PDZD2: variants seen among roughly 807,000 people sequenced by gnomAD.
The protein encoded by PDZD2 is PDZ domain containing 2.
In PDZD2, 90 loss-of-function variants were observed where a neutral mutation model predicts 220.7. That is an observed-to-expected ratio of 0.41 (90% confidence interval 0.34 to 0.49). PDZD2 has a LOEUF of 0.49. Among genes scored for constraint, PDZD2 ranks in the 20% least tolerant of loss-of-function variants. PDZD2 has a pLI of 0.28. For missense variants in PDZD2, 3,174 were observed against 3,608.5 expected, an observed-to-expected ratio of 0.88 and a Z score of 3.08; for synonymous variants, 1,375 against 1,450.5, an observed-to-expected ratio of 0.95 and a Z score of 1.18.
chr5:31,798,866 G>T, intron 1 of PDZD2, 23 bp from the exon 2 acceptor site: 1 of 214,632 alleles, frequency 4.7e-6, no homozygotes, highest in East Asian at 1.0e-4. Context: ...GGAGCTTTTT[G>T]TGTTTTCCTC....
intron 24 of PDZD2, among the ~76,000 whole-genome samples, chr5:32,102,484 T>G (rs923670089): frequency 4.0e-5 from 6 of 151,072 alleles, no homozygotes; most frequent in Non-Finnish European, 5.9e-5. Flanking sequence ...CAGGCATAAA[T>G]CAGGAGTCAG....
chr5:31,669,133 T>C (rs920863794), intron 1 of PDZD2, among the ~76,000 whole-genome samples: 4 of 151,790 alleles, frequency 2.6e-5, no homozygotes, highest in Admixed American at 6.6e-5. Context: ...ATCCAGGCCA[T>C]GCGTGTTGCT....
intron 1 of PDZD2, among the ~76,000 whole-genome samples, chr5:31,713,838 C>T (rs748222986): frequency 2.6e-5 from 4 of 152,232 alleles, no homozygotes; most frequent in Non-Finnish European, 2.9e-5. Flanking sequence ...TGAGCCACCA[C>T]GCATGGCCAC....
chr5:32,039,093 TCTCTCCCCCTCTCCCC>T (rs138129161), intron 7 of PDZD2, among the ~76,000 whole-genome samples: 1 of 150,642 alleles, frequency 6.6e-6, no homozygotes, highest in Non-Finnish European at 1.5e-5. Flanking sequence ...AAACATCCTC[TCTCTCCCCCTCTCCCC>T]CTCTCCCTCT....
chr5:31,983,878 A>C (rs1039784294), intron 3 of PDZD2, among the ~76,000 whole-genome samples: 7 of 152,194 alleles, frequency 4.6e-5, no homozygotes, highest in African/African-American at 1.7e-4. Context: ...GGAGAATGAC[A>C]AAAAAGCTCC....
chr5:31,650,233 A>T (rs1745299646), intron 1 of PDZD2, among the ~76,000 whole-genome samples: 1 of 152,192 alleles, frequency 6.6e-6, no homozygotes, highest in African/African-American at 2.4e-5. Flanking sequence ...AAGCACTTAA[A>T]GCATTTCAGG....
At chr5:31,882,663 C>A (rs928041619) in intron 2 of PDZD2, among the ~76,000 whole-genome samples, 22 of 151,988 alleles carry the variant, frequency 1.4e-4, no homozygotes, top group Non-Finnish European at 5.9e-5. Context: ...TTGCTTTTAG[C>A]TGTAGTGAAT....
intron 22 of PDZD2, among the ~76,000 whole-genome samples, chr5:32,097,716 A>G (rs16889445): frequency 0.018 from 2,665 of 152,244 alleles, 75 homozygotes; most frequent in African/African-American, 0.059. Context: ...CGTCTCAAAA[A>G]GTCACTCAAA....
At chr5:32,036,013 G>A (rs185510703) in intron 6 of PDZD2, among the ~76,000 whole-genome samples, 14 of 151,962 alleles carry the variant, frequency 9.2e-5, no homozygotes, top group African/African-American at 2.2e-4. Flanking sequence ...GCGTGATCTC[G>A]GCTCACTGCA....
intron 1 of PDZD2, among the ~76,000 whole-genome samples, chr5:31,763,116 C>A (rs1427579035): frequency 6.6e-6 from 1 of 152,176 alleles, no homozygotes; most frequent in African/African-American, 2.4e-5. Flanking sequence ...TTTGTGAGGG[C>A]AGTGACTGAG....
At chr5:31,862,408 C>T (rs1015156436) in intron 2 of PDZD2, among the ~76,000 whole-genome samples, 4 of 151,952 alleles carry the variant, frequency 2.6e-5, no homozygotes, top group African/African-American at 9.7e-5. Context: ...CAGGCCCAGA[C>T]TCATTAATTT....
chr5:31,989,759 T>C (rs1232731576), intron 3 of PDZD2, among the ~76,000 whole-genome samples: 3 of 152,170 alleles, frequency 2.0e-5, no homozygotes, highest in Non-Finnish European at 4.4e-5. Context: ...CAGTCAGCCA[T>C]TGATAGACAC....
chr5:31,707,225 C>T (rs191089636), intron 1 of PDZD2, among the ~76,000 whole-genome samples: 45 of 151,720 alleles, frequency 3.0e-4, no homozygotes, highest in African/African-American at 1.1e-3. Flanking sequence ...ATGGGTGCAG[C>T]ACACCAACAT....
intron 1 of PDZD2, among the ~76,000 whole-genome samples, chr5:31,661,802 T>C (rs1243399119): frequency 1.4e-4 from 21 of 145,944 alleles, no homozygotes; most frequent in Admixed American, 1.4e-3. Flanking sequence ...TTTTTTTTCT[T>C]TTTTTTTCAT....
chr5:32,012,331 G>GCATAA lies in PDZD2; in HGVS notation c.1407+1852_1407+1856dup, dbSNP rs142013958. Among the ~76,000 whole-genome samples, 702 of 152,262 alleles carry GCATAA rather than the reference G, an allele frequency of 4.6e-3. 3 individuals are homozygous for GCATAA. Among genetic ancestry groups the GCATAA allele is most frequent in the African/African-American group, 0.016 (663 of 41,542 alleles). On this transcript the variant is annotated intron_variant, in intron 6 of 24. Coordinates refer to ENST00000438447, the MANE Select transcript of PDZD2 (RefSeq NM_178140.4). Reference sequence around the variant, plus strand: ...GCTGAGCCTCCAAGCCATTGACGGAGCATAACAGCTCTTTGTAGAGAGCTT... The same window carrying GCATAA: ...GCTGAGCCTCCAAGCCATTGACGGAGCATAACATAACAGCTCTTTGTAGAGAGCTT...
In PDZD2 at chr5:32,074,587, G is replaced by A; in HGVS notation, c.3481G>A (p.Ala1161Thr). 1 of 1,613,150 alleles carries A rather than the reference G, an allele frequency of 6.2e-7. No homozygotes were observed. Among genetic ancestry groups the A allele is most frequent in the South Asian group, 1.1e-5 (1 of 90,932 alleles). The change falls in exon 18 of 25, where the codon GCC (alanine) becomes ACC (threonine). Residue 1161 changes from alanine to threonine, a missense_variant. Ala to Thr is a moderately conservative substitution (Grantham distance 58). Around this residue, in one of 4 missense-constraint regions of PDZD2, gnomAD observed 1,861 missense variants for 2,001.0 expected, o/e 0.93. Coordinates refer to ENST00000438447, the MANE Select transcript of PDZD2 (RefSeq NM_178140.4). ...DPCDLDSRVQ[A>T]TSVKVTVAGF... Reference sequence around the variant, plus strand: ...ATGCGATCTGGACTCGAGAGTCCAGGCCACTTCTGTCAAAGTGACTGTCGC... The same window carrying A: ...ATGCGATCTGGACTCGAGAGTCCAGACCACTTCTGTCAAAGTGACTGTCGC...
chr5:31,969,815 G>A (rs1208838919), intron 2 of PDZD2, among the ~76,000 whole-genome samples: 1 of 151,956 alleles, frequency 6.6e-6, no homozygotes, highest in Non-Finnish European at 1.5e-5. Context: ...TGTTTTTAAT[G>A]GATCTTTTCA....
intron 2 of PDZD2, among the ~76,000 whole-genome samples, chr5:31,881,313 C>T (rs1383659564): frequency 6.9e-6 from 1 of 145,772 alleles, no homozygotes; most frequent in Admixed American, 6.9e-5. Flanking sequence ...TGTCTCATCC[C>T]ATTTCCATAT....
intron 2 of PDZD2, among the ~76,000 whole-genome samples, chr5:31,967,704 G>GTGC (rs1191853058): frequency 1.3e-5 from 2 of 152,342 alleles, no homozygotes; most frequent in East Asian, 3.9e-4. Flanking sequence ...GCCACGGGCA[G>GTGC]TGCACCTGGC....
Sources: gnomAD v4.1 joint callset for allele counts (sites outside exome capture counted in the v4.1 genomes callset) on GRCh38, gnomAD v4.1.1 for gene constraint, gnomAD v4.1.1 regional missense constraint, MANE v1.5 for transcripts, NCBI Gene and HGNC (gene_info 2026-07-23, HGNC 2026-07-21) for gene names.